SH3RF3: variants seen among roughly 807,000 people sequenced by gnomAD.
SH3RF3 encodes SH3 domain containing ring finger 3.
Under a neutral mutation model 66.3 loss-of-function variants are expected in SH3RF3, and 29 were observed. The observed-to-expected ratio is 0.44, with a 90% CI of 0.33 to 0.60. The LOEUF is 0.60. Among genes scored for constraint, SH3RF3 ranks in the 20% least tolerant of loss-of-function variants. The pLI is 0.04. For missense variants in SH3RF3, 1,194 were observed against 1,190.9 expected (o/e 1.00, Z -0.04); for synonymous variants, 583 against 532.0 (o/e 1.10, Z -1.32).
At chr2:109,370,795 T>TGTG (rs1683256737) in intron 2 of SH3RF3, among the ~76,000 whole-genome samples, 2 of 152,176 alleles carry the variant, frequency 1.3e-5, no homozygotes, top group African/African-American at 4.8e-5. Context: ...TCTCCTTCCA[T>TGTG]CTGTTTCCAC....
At chr2:109,341,846 G>A (rs1238522956) in intron 1 of SH3RF3, among the ~76,000 whole-genome samples, 2 of 152,196 alleles carry the variant, frequency 1.3e-5, no homozygotes. Flanking sequence ...CCTACCCAGG[G>A]CTGCCTGCAG....
At chr2:109,279,885 T>G (rs1574547309) in intron 1 of SH3RF3, among the ~76,000 whole-genome samples, 3 of 142,288 alleles carry the variant, frequency 2.1e-5, no homozygotes, top group East Asian at 2.1e-4. Context: ...CCCTGGGGGG[T>G]GAGAGAGGAC....
At chr2:109,354,085 G>T (rs115826854) in intron 2 of SH3RF3, among the ~76,000 whole-genome samples, 3,624 of 152,310 alleles carry the variant, frequency 0.024, 52 homozygotes, top group Middle Eastern at 0.054. Context: ...ACCATAGATG[G>T]CAGTCGGCTG....
chr2:109,140,176 T>G (rs1676913784), intron 1 of SH3RF3, among the ~76,000 whole-genome samples: 1 of 152,208 alleles, frequency 6.6e-6, no homozygotes. Flanking sequence ...GCTGCATTGA[T>G]GCACATGGTT....
At chr2:109,469,948 A>C (rs1678458623) in intron 8 of SH3RF3, among the ~76,000 whole-genome samples, 1 of 152,198 alleles carries the variant, frequency 6.6e-6, no homozygotes, top group South Asian at 2.1e-4. Flanking sequence ...TTTCCAGGAC[A>C]TGCGAGCTAT....
chr2:109,478,612 CT>C (rs376357644), intron 8 of SH3RF3, among the ~76,000 whole-genome samples: 6 of 152,326 alleles, frequency 3.9e-5, no homozygotes, highest in African/African-American at 1.4e-4. Flanking sequence ...TTTCTGTCAA[CT>C]TTTCCTAAGA....
At chr2:109,288,270 C>T (rs557920658) in intron 1 of SH3RF3, among the ~76,000 whole-genome samples, 2 of 152,348 alleles carry the variant, frequency 1.3e-5, no homozygotes, top group East Asian at 3.9e-4. Context: ...CTGTCATTAA[C>T]TGTAATTGCT....
chr2:109,488,487 G>A (rs1679040061), intron 8 of SH3RF3, among the ~76,000 whole-genome samples: 1 of 152,178 alleles, frequency 6.6e-6, no homozygotes, highest in Admixed American at 6.5e-5. Context: ...CAGCTGCAGG[G>A]TCTCCCATCC....
At chr2:109,166,471 A>AAAG (rs974490328) in intron 1 of SH3RF3, among the ~76,000 whole-genome samples, 24 of 151,526 alleles carry the variant, frequency 1.6e-4, no homozygotes, top group South Asian at 2.1e-4. Context: ...AAAAAAAAAA[A>AAAG]AAAGAAAGAA....
chr2:109,436,053 G>A (rs1677388498), intron 6 of SH3RF3, among the ~76,000 whole-genome samples: 1 of 152,152 alleles, frequency 6.6e-6, no homozygotes, highest in Non-Finnish European at 1.5e-5. Flanking sequence ...GCCACAGGGA[G>A]ATGGCTGGAC....
intron 1 of SH3RF3, among the ~76,000 whole-genome samples, chr2:109,175,133 C>G (rs978745491): frequency 6.6e-6 from 1 of 152,138 alleles, no homozygotes; most frequent in Non-Finnish European, 1.5e-5. Context: ...CATTATCAGT[C>G]CCACTAAACC....
chr2:109,339,154 G>A (rs80236990), intron 1 of SH3RF3, among the ~76,000 whole-genome samples: 2 of 151,994 alleles, frequency 1.3e-5, no homozygotes, highest in East Asian at 2.0e-4. Flanking sequence ...CAGAGAAGAG[G>A]TAGAGGAGGT....
intron 7 of SH3RF3, among the ~76,000 whole-genome samples, chr2:109,443,014 G>A (rs971526956): frequency 2.0e-5 from 3 of 152,184 alleles, no homozygotes; most frequent in African/African-American, 7.2e-5. Context: ...TAAAAGTGAA[G>A]GGATGGAACA....
chr2:109,500,284 C>T (rs1004580956), intron 9 of SH3RF3, among the ~76,000 whole-genome samples: 3 of 152,112 alleles, frequency 2.0e-5, no homozygotes, highest in African/African-American at 7.2e-5. Flanking sequence ...GGAGTGTGGT[C>T]GAGGAGAGAA....
rs145494446 is a variant in SH3RF3 at position 109,431,852 on chromosome 2, C to T, written c.1404-649C>T. ...TACCACTGCACTCCAGCCTGGGTGA[C>T]AGGGTGAGATGCTGTTTCAAAAAAA... On this transcript the variant is annotated intron_variant, in intron 5 of 9. Transcript: ENST00000309415. Among the ~76,000 whole-genome samples the T allele has an allele frequency of 5.1e-3, 777 of 151,878 alleles. 4 individuals carry two copies. The highest frequency in any genetic ancestry group is 6.6e-3 in the Admixed American group (100 of 15,260).
intron 1 of SH3RF3, among the ~76,000 whole-genome samples, chr2:109,298,799 G>A (rs945837947): frequency 1.3e-5 from 2 of 152,116 alleles, no homozygotes; most frequent in African/African-American, 4.8e-5. Flanking sequence ...CTCTCCCCAG[G>A]ATGACAGAGC....
At chr2:109,457,283 T>C (rs576264432) in intron 8 of SH3RF3, among the ~76,000 whole-genome samples, 7 of 152,358 alleles carry the variant, frequency 4.6e-5, no homozygotes, top group South Asian at 2.1e-4. Flanking sequence ...GTAAAACTTA[T>C]ATCCCCGAGG....
chr2:109,145,422 C>T (rs1677071615), intron 1 of SH3RF3, among the ~76,000 whole-genome samples: 1 of 152,180 alleles, frequency 6.6e-6, no homozygotes, highest in Admixed American at 6.5e-5. Flanking sequence ...GCTGTTGGCT[C>T]TTTGCTTATG....
chr2:109,251,128 C>T (rs1300925468), intron 1 of SH3RF3, among the ~76,000 whole-genome samples: 1 of 151,888 alleles, frequency 6.6e-6, no homozygotes, highest in African/African-American at 2.4e-5. Flanking sequence ...CAGCCTCCCA[C>T]AGTAGCTGGG....
Sources: allele counts gnomAD v4.1 joint callset (sites outside exome capture counted in the v4.1 genomes callset), GRCh38; gene constraint gnomAD v4.1.1; transcripts MANE v1.5; gene names NCBI Gene and HGNC (gene_info 2026-07-23, HGNC 2026-07-21).